NINL: variants seen among roughly 807,000 people sequenced by gnomAD.
The protein encoded by NINL is ninein like.
A neutral mutation model predicts 160.3 loss-of-function variants in NINL; 153 were observed. The ratio of observed to expected loss-of-function variants is 0.95; its 90% confidence interval spans 0.84 to 1.09. The LOEUF (loss-of-function observed/expected upper bound fraction) is 1.09. Ranked by LOEUF, NINL falls within the 50% of genes least tolerant of loss-of-function variation. The probability of loss-of-function intolerance (pLI) is 0.00; values close to 1 mark genes in which losing one functional copy is unlikely to be tolerated. For missense variants in NINL, 1,829 were observed against 1,764.0 expected, an observed-to-expected ratio of 1.04 and a Z score of -0.66; for synonymous variants, 800 against 734.8, an observed-to-expected ratio of 1.09 and a Z score of -1.43.
intron 1 of NINL, among the ~76,000 whole-genome samples, chr20:25,573,751 T>C (rs2065081859): frequency 6.6e-6 from 1 of 152,256 alleles, no homozygotes; most frequent in Non-Finnish European, 1.5e-5. Context: ...CCTGGGCTGA[T>C]GCAGTTTCCC....
At chr20:25,498,150 C>CCT in intron 9 of NINL, 60 bp downstream of exon 9, 2 of 1,596,558 alleles carry the variant, frequency 1.3e-6, no homozygotes, top group African/African-American at 2.7e-5. Context: ...CCCAGACCCC[C>CCT]CTCCAGGCCC....
chr20:25,496,469 C>T (rs560891402), intron 10 of NINL, among the ~76,000 whole-genome samples, 194 bp downstream of exon 10: 1 of 151,626 alleles, frequency 6.6e-6, no homozygotes, highest in Non-Finnish European at 1.5e-5. Context: ...ACTGCACCAA[C>T]CCCAGGAAGA....
intron 1 of NINL, among the ~76,000 whole-genome samples, chr20:25,580,057 G>A (rs1360717490): frequency 6.6e-6 from 1 of 152,116 alleles, no homozygotes; most frequent in Non-Finnish European, 1.5e-5. Context: ...TGTGGGCTGG[G>A]CATGGTGGCT....
chr20:25,461,079 C>T (rs761979713), intron 21 of NINL, among the ~76,000 whole-genome samples: 9 of 152,238 alleles, frequency 5.9e-5, no homozygotes, highest in Non-Finnish European at 7.3e-5. Context: ...CCTCCTGTGT[C>T]TGCACCTCCC....
At chr20:25,508,765 C>T (rs565269135) in intron 5 of NINL, among the ~76,000 whole-genome samples, 3 of 152,366 alleles carry the variant, frequency 2.0e-5, no homozygotes, top group African/African-American at 7.2e-5. Context: ...GAAACACTAG[C>T]TCCTTTCATC....
chr20:25,510,679 G>A lies in NINL; in HGVS notation c.512C>T (p.Ala171Val), dbSNP rs1035678833. 1.9e-6 allele frequency: 3 copies of A among 1,613,612 alleles called. No individual in the cohort carries two copies. Among genetic ancestry groups the A allele is most frequent in the Admixed American group, 3.3e-5 (2 of 60,014 alleles). The change falls in exon 5 of 24, where the codon GCA becomes GTA. Residue 171 changes from alanine to valine, a missense_variant. By Grantham distance (64) the Ala-to-Val change is moderately conservative. Coordinates refer to ENST00000278886, the MANE Select transcript of NINL (RefSeq NM_025176.6). ...ATGCGAGGCTGAGGCTTTACCTTGT[G>A]CTTCAAATAATTCATTCTGAGCTTC... ...TKEAQNELFE[A>V]QGQLQTWDSE...
At chr20:25,533,321 C>T (rs1754781024) in intron 1 of NINL, among the ~76,000 whole-genome samples, 1 of 151,994 alleles carries the variant, frequency 6.6e-6, no homozygotes, top group South Asian at 2.1e-4. Context: ...AATTGCACTA[C>T]CCAGAGAAGG....
intron 1 of NINL, among the ~76,000 whole-genome samples, chr20:25,565,964 A>G (rs1600354185): frequency 6.6e-6 from 1 of 152,156 alleles, no homozygotes; most frequent in Non-Finnish European, 1.5e-5. Flanking sequence ...CTTCAAATTG[A>G]GAGTTACATC....
At chr20:25,568,258 A>T (rs2065016463) in intron 1 of NINL, among the ~76,000 whole-genome samples, 1 of 151,688 alleles carries the variant, frequency 6.6e-6, no homozygotes, top group Non-Finnish European at 1.5e-5. Flanking sequence ...AACTGCCATT[A>T]TTGGCAATAA....
intron 17 of NINL, 30 bp downstream of exon 17, chr20:25,476,013 T>G: frequency 6.3e-7 from 1 of 1,593,158 alleles, no homozygotes; most frequent in Non-Finnish European, 8.6e-7. Context: ...GTTTGAAGTG[T>G]TTAGTTTTAA....
rs548813070 is a variant in NINL, at chr20:25,489,407, C to T, written c.1597-83G>A. ...TTCTCCAGCCCCTGGGCTCCAAGAA[C>T]CTGCCCAGCTTCTGCCAACACCAGG... On this transcript the variant is annotated intron_variant, in intron 12 of 23. Coordinates refer to ENST00000278886, the MANE Select transcript of NINL (RefSeq NM_025176.6). The T allele has an allele frequency of 2.5e-5, 31 of 1,252,104 alleles. No individual in the cohort carries two copies. In the African/African-American group the frequency reaches 3.4e-4, roughly 14 times the overall value. 77.6% of individuals were successfully genotyped at this position (1,252,104 alleles called of 1,614,324 possible).
intron 19 of NINL, among the ~76,000 whole-genome samples, chr20:25,467,061 G>A (rs889246151): frequency 2.0e-5 from 3 of 152,218 alleles, no homozygotes; most frequent in African/African-American, 7.2e-5. Flanking sequence ...CACAGACAGT[G>A]CCTGCCTGCC....
At chr20:25,550,733 C>A (rs1345691395) in intron 1 of NINL, among the ~76,000 whole-genome samples, 1 of 152,210 alleles carries the variant, frequency 6.6e-6, no homozygotes, top group Non-Finnish European at 1.5e-5. Flanking sequence ...TTGCTGCCAG[C>A]ATGTCTCACC....
chr20:25,474,900 G>A (rs993054247), intron 17 of NINL, among the ~76,000 whole-genome samples: 1 of 151,384 alleles, frequency 6.6e-6, no homozygotes, highest in Non-Finnish European at 1.5e-5. Flanking sequence ...CGATTCTCCT[G>A]CCTTAGCCTC....
At chr20:25,486,969 G>A (rs545802408) in intron 13 of NINL, among the ~76,000 whole-genome samples, 1 of 152,070 alleles carries the variant, frequency 6.6e-6, no homozygotes, top group African/African-American at 2.4e-5. Context: ...ACTTCACATC[G>A]ATTGCTCACT....
intron 5 of NINL, among the ~76,000 whole-genome samples, 175 bp downstream of exon 5, chr20:25,510,499 G>A (rs902139654): frequency 2.6e-5 from 4 of 152,244 alleles, no homozygotes; most frequent in African/African-American, 9.6e-5. Context: ...TCACTGCTGT[G>A]ATGATGACAT....
At chr20:25,551,322 C>T (rs948836963) in intron 1 of NINL, among the ~76,000 whole-genome samples, 1 of 152,040 alleles carries the variant, frequency 6.6e-6, no homozygotes, top group African/African-American at 2.4e-5. Context: ...ATCTCTCTTT[C>T]TTTCCCCCAC....
In NINL at chr20:25,453,234, A is replaced by C; in HGVS notation, c.*217T>G. On this transcript the variant is annotated 3_prime_UTR_variant, in exon 24 of 24. Coordinates refer to ENST00000278886, the MANE Select transcript of NINL (RefSeq NM_025176.6). ...CCAAGGGAAATTACTCAGGACCGCT[A>C]ATAAAAACGCCGGCTTCTGCAACAT... The C allele has an allele frequency of 2.4e-6, 1 of 424,774 alleles. No individual in the cohort carries two copies. Among genetic ancestry groups the C allele is most frequent in the Non-Finnish European group, 4.1e-6 (1 of 243,534 alleles). 26.3% of individuals were successfully genotyped at this position (424,774 alleles called of 1,614,324 possible).
intron 1 of NINL, among the ~76,000 whole-genome samples, chr20:25,573,722 TA>T (rs1216994927): frequency 2.0e-5 from 3 of 152,326 alleles, no homozygotes; most frequent in South Asian, 2.1e-4. Flanking sequence ...CAAAATAAAC[TA>T]AAATAAAATG....
Sources: gnomAD v4.1 joint callset for allele counts (sites outside exome capture counted in the v4.1 genomes callset) on GRCh38, gnomAD v4.1.1 for gene constraint, MANE v1.5 for transcripts, NCBI Gene and HGNC (gene_info 2026-07-23, HGNC 2026-07-21) for gene names.